Variants in DDX19A observed in about 807,000 individuals in gnomAD.
DDX19A encodes the protein ATP-dependent RNA helicase DDX19A.
A neutral mutation model predicts 60.6 loss-of-function variants in DDX19A; 12 were observed. The observed-to-expected ratio is 0.20, with a 90% CI of 0.13 to 0.32. The LOEUF is 0.32. Ranked by LOEUF, DDX19A falls within the 10% of genes least tolerant of loss-of-function variation. The pLI, the probability that DDX19A is intolerant of heterozygous loss-of-function variation, is 1.00. For synonymous variants in DDX19A, 206 were observed against 218.2 expected, an observed-to-expected ratio of 0.94 and a Z score of 0.49; for missense variants, 337 against 600.6, an observed-to-expected ratio of 0.56 and a Z score of 4.59.
At chr16:70,352,402 G>A (rs1248000454) in intron 2 of DDX19A, among the ~76,000 whole-genome samples, 1 of 146,070 alleles carries the variant, frequency 6.8e-6, no homozygotes, top group Admixed American at 6.9e-5. Flanking sequence ...CTCCTGCCTC[G>A]GCTTCCTGAA....
rs2047308486 is a variant in DDX19A at position 70,373,207 on chromosome 16, T to C, written c.*1221T>C. The C allele has an allele frequency of 6.6e-6, 1 of 152,184 alleles. No individual in the cohort carries two copies. The highest frequency in any genetic ancestry group is 2.1e-4 in the South Asian group (1 of 4,828). The allele number at this position is 152,184 out of a possible 1,614,324, so 9.4% of individuals were successfully genotyped here. ...GAAATGGCGCCACTGCACTCCAGCCTGGGTAACAGAGCGAGACCCCGACTC... is the reference window on the plus strand; with the variant it reads ...GAAATGGCGCCACTGCACTCCAGCCCGGGTAACAGAGCGAGACCCCGACTC... On this transcript the variant is annotated 3_prime_UTR_variant, in exon 12 of 12. Coordinates refer to ENST00000302243, the MANE Select transcript of DDX19A (RefSeq NM_018332.5).
intron 9 of DDX19A, 132 bp from the exon 10 acceptor site, chr16:70,370,091 G>A: frequency 7.7e-7 from 1 of 1,299,634 alleles, no homozygotes; most frequent in Non-Finnish European, 1.0e-6. Context: ...CAGCCCTTTG[G>A]GAAGCCAAGG....
At chr16:70,354,582 T>C (rs1964126505) in intron 2 of DDX19A, among the ~76,000 whole-genome samples, 1 of 152,208 alleles carries the variant, frequency 6.6e-6, no homozygotes, top group Admixed American at 6.6e-5. Flanking sequence ...AAGGCTGTAT[T>C]TTAAAGTAGG....
intron 1 of DDX19A, among the ~76,000 whole-genome samples, chr16:70,348,738 A>G (rs185265245): frequency 1.2e-3 from 176 of 151,952 alleles, no homozygotes; most frequent in Non-Finnish European, 2.0e-3. Flanking sequence ...CCAGGAGTTC[A>G]AGACCAGTGT....
At chr16:70,349,319 C>T (rs1308167231) in intron 1 of DDX19A, among the ~76,000 whole-genome samples, 1 of 152,140 alleles carries the variant, frequency 6.6e-6, no homozygotes. Flanking sequence ...TATTGGGGGG[C>T]TGTCATATAG....
intron 11 of DDX19A, among the ~76,000 whole-genome samples, 155 bp from the exon 12 acceptor site, chr16:70,371,770 G>A (rs1252452673): frequency 6.6e-6 from 1 of 152,150 alleles, no homozygotes; most frequent in South Asian, 2.1e-4. Flanking sequence ...ACTGGGCTTC[G>A]GGGCGTGGGG....
chr16:70,351,533 T>A (rs777436207), intron 2 of DDX19A, among the ~76,000 whole-genome samples: 5 of 151,764 alleles, frequency 3.3e-5, no homozygotes, highest in Admixed American at 2.6e-4. Context: ...TTATTTATTT[T>A]TATTTTTTTT....
Position 70,355,426 on chromosome 16 carries a change from A to C in DDX19A, c.107-59A>C. 12 of 1,164,016 alleles carry C rather than the reference A, an allele frequency of 1.0e-5. No individual in the cohort carries two copies. In the South Asian group the frequency reaches 1.5e-4, roughly 15 times the overall value. 72.1% of individuals were successfully genotyped at this position (1,164,016 alleles called of 1,614,324 possible). A position where few individuals can be genotyped will look rare whatever the true frequency, so the allele number is the denominator to read the frequency against. ...TCAGTGTATTTATTTATATTGTCCC[A>C]CATTTTTGGTGGTTCTCATATTTGC... On this transcript the variant is annotated intron_variant, in intron 2 of 11. Coordinates refer to ENST00000302243, the MANE Select transcript of DDX19A (RefSeq NM_018332.5).
At chr16:70,356,851 TC>T in intron 4 of DDX19A, 1 of 1,264,816 alleles carries the variant, frequency 7.9e-7, no homozygotes, top group Non-Finnish European at 1.0e-6. Context: ...CTTAGAACTT[TC>T]AATAAAATAT....
chr16:70,350,253 A>C (rs763152524), intron 1 of DDX19A, among the ~76,000 whole-genome samples: 5 of 152,210 alleles, frequency 3.3e-5, no homozygotes, highest in Non-Finnish European at 7.3e-5. Flanking sequence ...ACCTTGTCTC[A>C]GAAAATAAAT....
intron 4 of DDX19A, among the ~76,000 whole-genome samples, chr16:70,358,514 T>C (rs1964282367): frequency 6.6e-6 from 1 of 151,400 alleles, no homozygotes; most frequent in African/African-American, 2.4e-5. Context: ...GGTTTTACCA[T>C]GTTGCCCAGG....
chr16:70,356,792 A>G (rs887886041), intron 4 of DDX19A: 3 of 971,552 alleles, frequency 3.1e-6, no homozygotes, highest in Non-Finnish European at 4.1e-6. Context: ...GAATTTTTTA[A>G]TGCTTCAAAT....
chr16:70,356,510 CCAT>C (rs1964189510), intron 4 of DDX19A, among the ~76,000 whole-genome samples: 2 of 152,074 alleles, frequency 1.3e-5, no homozygotes, highest in East Asian at 1.9e-4. Flanking sequence ...GCGCCCACCA[CCAT>C]GTCAAGCTAA....
At chr16:70,366,559 G>A in intron 8 of DDX19A, 65 bp from the exon 9 acceptor site, 1 of 1,601,362 alleles carries the variant, frequency 6.2e-7, no homozygotes, top group African/African-American at 1.3e-5. Context: ...TCCCAGCTGG[G>A]GAGGCTGTGC....
chr16:70,350,927 G>A (rs2152223641), intron 2 of DDX19A, among the ~76,000 whole-genome samples: 2 of 151,580 alleles, frequency 1.3e-5, no homozygotes, highest in South Asian at 2.1e-4. Flanking sequence ...GCCCAGGCTG[G>A]AGTGCAGTGG....
chr16:70,361,324 G>GC, intron 4 of DDX19A, 94 bp from the exon 5 acceptor site: 1 of 932,066 alleles, frequency 1.1e-6, no homozygotes, highest in South Asian at 1.4e-5. Context: ...GAGGTAGGAG[G>GC]CATCATTCCT....
chr16:70,361,359 A>C, intron 4 of DDX19A, 59 bp from the exon 5 acceptor site: 3 of 1,186,704 alleles, frequency 2.5e-6, no homozygotes, highest in Non-Finnish European at 3.8e-6. Context: ...ATAAGATTCT[A>C]GGCCTCTAAA....
chr16:70,366,939 C>T (rs1313712500), intron 9 of DDX19A, 78 bp downstream of exon 9: 12 of 1,524,662 alleles, frequency 7.9e-6, no homozygotes, highest in East Asian at 2.3e-5. Context: ...GACTGGATGC[C>T]CCTGAGCGCC....
chr16:70,352,041 A>G (rs577209833), intron 2 of DDX19A, among the ~76,000 whole-genome samples: 1 of 152,096 alleles, frequency 6.6e-6, no homozygotes, highest in African/African-American at 2.4e-5. Context: ...TGAATATATG[A>G]GTTTGAGGTC....
Sources: allele counts gnomAD v4.1 joint callset (sites outside exome capture counted in the v4.1 genomes callset), GRCh38; gene constraint gnomAD v4.1.1; transcripts MANE v1.5; gene names NCBI Gene and HGNC (gene_info 2026-07-23, HGNC 2026-07-21).